Variants in SPATS2L observed in about 807,000 individuals in gnomAD.
The protein encoded by SPATS2L is SPATS2-like protein.
A neutral mutation model predicts 59.6 loss-of-function variants in SPATS2L; 30 were observed. The ratio of observed to expected loss-of-function variants is 0.50; its 90% CI spans 0.38 to 0.68. The LOEUF (loss-of-function observed/expected upper bound fraction) is 0.68, where lower values mean the gene tolerates loss of function less well. Ranked by LOEUF, SPATS2L falls within the 30% of genes least tolerant of loss-of-function variation. The probability of loss-of-function intolerance (pLI) is 0.00; values close to 1 mark genes in which losing one functional copy is unlikely to be tolerated. For missense variants in SPATS2L, 615 were observed against 700.0 expected, an observed-to-expected ratio of 0.88 and a Z score of 1.37; for synonymous variants, 252 against 263.5, an observed-to-expected ratio of 0.96 and a Z score of 0.42.
At chr2:200,445,221 G>C (rs905334017) in intron 8 of SPATS2L, among the ~76,000 whole-genome samples, 1 of 152,190 alleles carries the variant, frequency 6.6e-6, no homozygotes, top group Non-Finnish European at 1.5e-5. Flanking sequence ...TGAGAGTGGG[G>C]AGGATCACTG....
At chr2:200,337,388 C>A (rs1473548908) in intron 2 of SPATS2L, among the ~76,000 whole-genome samples, 1 of 152,108 alleles carries the variant, frequency 6.6e-6, no homozygotes, top group Non-Finnish European at 1.5e-5. Flanking sequence ...GAACTTTGGG[C>A]CAGCCATAGT....
rs143548352 is a variant in SPATS2L at position 200,372,719 on chromosome 2, G to T, written c.-22-16504G>T. Among the ~76,000 whole-genome samples the T allele has an allele frequency of 2.4e-3, 361 of 152,282 alleles. 2 individuals carry two copies. The highest frequency in any genetic ancestry group is 8.3e-3 in the African/African-American group (345 of 41,556). ...ACTAGTGGAATGAGGACCAGCTTCG[G>T]AGTTAGTTTGAGAGGTTTCAGTCCC... On this transcript the variant is annotated intron_variant, in intron 2 of 12. Transcript: ENST00000409140.
At position 200,416,413 on chromosome 2, in the gene SPATS2L, G is replaced by A; in HGVS notation, c.183G>A (p.Met61Ile). ...SAIQVLKEWN[M>I]TGKKKNNKRK... The stretch of plus-strand genomic sequence containing the variant: ...TTCAAGTTCTAAAAGAATGGAATAT[G>A]ACAGGAAAAAAGAAGGTAAGATTAA... The change falls in exon 5 of 13, where the codon ATG (methionine) becomes ATA (isoleucine). Residue 61 changes from methionine (M) to isoleucine (I), a missense_variant. Physicochemically the swap from Met to Ile is conservative, Grantham distance 10 (BLOSUM62 1). Coordinates refer to ENST00000409140, the MANE Select transcript of SPATS2L (RefSeq NM_001100423.2). 2 of 1,489,670 alleles carry A rather than the reference G, an allele frequency of 1.3e-6. No individual in the cohort carries two copies. The highest frequency in any genetic ancestry group is 2.1e-5 in the Admixed American group (1 of 47,880). 92.3% of individuals were successfully genotyped at this position (1,489,670 alleles called of 1,614,324 possible).
Position 200,473,171 on chromosome 2 carries a change from C to T in SPATS2L, c.1281+119C>T, listed in dbSNP as rs1480881173. On this transcript the variant is annotated intron_variant, in intron 12 of 12. Coordinates refer to ENST00000409140, the MANE Select transcript of SPATS2L (RefSeq NM_001100423.2). ...TGGGGTCACACTCAGGCTCCCGCCA[C>T]CTGCCCTCACCCACTCCCCACCCAG... 6.4e-6 allele frequency: 6 copies of T among 940,154 alleles called. No individual in the cohort carries two copies. The East Asian group carries it at 1.6e-4, about 25-fold the overall frequency. 58.2% of individuals were successfully genotyped at this position (940,154 alleles called of 1,614,324 possible).
chr2:200,331,467 T>C (rs1179507543), intron 2 of SPATS2L, among the ~76,000 whole-genome samples: 3 of 152,244 alleles, frequency 2.0e-5, no homozygotes, highest in African/African-American at 7.2e-5. Flanking sequence ...CATTTTGCTC[T>C]GATCTCAAGG....
In SPATS2L at chr2:200,480,085, G is replaced by C; in HGVS notation, c.*2054G>C. 4.7e-6 allele frequency: 1 copy of C among 210,658 alleles called. No homozygotes were observed. The highest frequency in any genetic ancestry group is 9.4e-6 in the Non-Finnish European group (1 of 106,492). The allele number at this position is 210,658 out of a possible 1,614,324, so 13.0% of individuals were successfully genotyped here. On this transcript the variant is annotated 3_prime_UTR_variant, in exon 13 of 13. Transcript: ENST00000409140. The stretch of plus-strand genomic sequence containing the variant: ...TTGCTCACCACTGAAAAATGTCAGT[G>C]TAAATGTGACCGCTTTAAAGATGAG...
intron 1 of SPATS2L, among the ~76,000 whole-genome samples, chr2:200,320,614 T>C (rs2079531174): frequency 1.3e-5 from 2 of 151,682 alleles, no homozygotes; most frequent in African/African-American, 2.4e-5. Context: ...CATGACAGTA[T>C]CAGTAACGTG....
chr2:200,326,750 C>A (rs1056831438), intron 1 of SPATS2L, among the ~76,000 whole-genome samples: 1 of 151,300 alleles, frequency 6.6e-6, no homozygotes, highest in Non-Finnish European at 1.5e-5. Flanking sequence ...TTTTTCGAGA[C>A]GGAGTCTTGC....
intron 8 of SPATS2L, among the ~76,000 whole-genome samples, chr2:200,441,938 C>T (rs1459181805): frequency 1.3e-5 from 2 of 152,128 alleles, no homozygotes; most frequent in Non-Finnish European, 2.9e-5. Flanking sequence ...TTAAGCTTAA[C>T]ACTAATCTAA....
intron 9 of SPATS2L, among the ~76,000 whole-genome samples, chr2:200,465,703 T>C (rs1304594647): frequency 6.6e-6 from 1 of 152,218 alleles, no homozygotes; most frequent in Non-Finnish European, 1.5e-5. Flanking sequence ...AGACTAATTA[T>C]TTTATTAACA....
At chr2:200,324,144 C>G (rs2079655305) in intron 1 of SPATS2L, among the ~76,000 whole-genome samples, 2 of 152,236 alleles carry the variant, frequency 1.3e-5, no homozygotes, top group African/African-American at 4.8e-5. Context: ...GCCTCCCATA[C>G]AGTCACTGTG....
At chr2:200,352,027 T>C (rs1010024974) in intron 2 of SPATS2L, among the ~76,000 whole-genome samples, 4 of 152,132 alleles carry the variant, frequency 2.6e-5, no homozygotes, top group Non-Finnish European at 5.9e-5. Flanking sequence ...CCCATTTCAG[T>C]GTACATCTCA....
intron 2 of SPATS2L, among the ~76,000 whole-genome samples, chr2:200,330,916 A>G (rs2079922594): frequency 6.6e-6 from 1 of 152,236 alleles, no homozygotes; most frequent in African/African-American, 2.4e-5. Flanking sequence ...GAACGGTGAC[A>G]TTAGACATCC....
chr2:200,378,199 A>G, intron 2 of SPATS2L: 1 of 1,001,986 alleles, frequency 1.0e-6, no homozygotes, highest in Non-Finnish European at 1.2e-6. Flanking sequence ...TCCTGCTACT[A>G]CCCTGGTTTC....
rs182238541 is a variant in SPATS2L, at chr2:200,363,340, C to T, written c.-22-25883C>T. On this transcript the variant is annotated intron_variant, in intron 2 of 12. Transcript: ENST00000409140. The stretch of plus-strand genomic sequence containing the variant: ...CATACTCTATCGGGGACTTGTGTGT[C>T]TTATTTGTTTACTTGACTAGCCAAG... 4.8e-3 allele frequency among the ~76,000 whole-genome samples: 729 copies of T among 152,218 alleles called. 4 individuals are homozygous for T. The highest frequency in any genetic ancestry group is 7.8e-3 in the Non-Finnish European group (530 of 68,020).
intron 2 of SPATS2L, among the ~76,000 whole-genome samples, chr2:200,365,038 T>C (rs1243169458): frequency 6.6e-6 from 1 of 152,200 alleles, no homozygotes; most frequent in Non-Finnish European, 1.5e-5. Context: ...GTTAAGTCAG[T>C]TGGGTAGATC....
rs376826553 is a variant in SPATS2L, at chr2:200,440,628, A to G, written c.653-21A>G. 1.9e-6 allele frequency: 3 copies of G among 1,606,786 alleles called. No homozygotes were observed. In the African/African-American group the frequency reaches 4.0e-5, roughly 22 times the overall value. On this transcript the variant is annotated intron_variant, in intron 7 of 12. Transcript: ENST00000409140. ...AGGATTAAATGCTCAAGTTAATAAT[A>G]TTTTTTGACATCAATTTTAGGCCCA... is the stretch of plus-strand genomic sequence containing the variant.
At chr2:200,330,580 T>C (rs2079906435) in intron 2 of SPATS2L, among the ~76,000 whole-genome samples, 1 of 152,210 alleles carries the variant, frequency 6.6e-6, no homozygotes, top group Admixed American at 6.5e-5. Flanking sequence ...ACTGCTTAGT[T>C]TTCCTTTGGT....
Position 200,481,449 on chromosome 2 carries a change from T to A in SPATS2L, c.*3418T>A, listed in dbSNP as rs116983060. 1.0e-3 allele frequency: 156 copies of A among 152,320 alleles called. 3 individuals are homozygous for A. In the East Asian group the frequency reaches 0.026, roughly 26 times the overall value. 9.4% of individuals were successfully genotyped at this position (152,320 alleles called of 1,614,324 possible). A position where few individuals can be genotyped will look rare whatever the true frequency, so the allele number is the denominator to read the frequency against. On this transcript the variant is annotated 3_prime_UTR_variant, in exon 13 of 13. Transcript: ENST00000409140. Reference sequence around the variant, plus strand: ...GGGCCTGCGCAGTTCTTTTCCTAAATCGATTCGGTGCTCCCCACCCCGACG... The same window carrying A: ...GGGCCTGCGCAGTTCTTTTCCTAAAACGATTCGGTGCTCCCCACCCCGACG...
Sources: gnomAD v4.1 joint callset for allele counts (sites outside exome capture counted in the v4.1 genomes callset) on GRCh38, gnomAD v4.1.1 for gene constraint, MANE v1.5 for transcripts, NCBI Gene and HGNC (gene_info 2026-07-23, HGNC 2026-07-21) for gene names.